Variants in USP14 observed in about 807,000 individuals in gnomAD.
USP14 encodes ubiquitin carboxyl-terminal hydrolase 14.
USP14 carries 38 observed loss-of-function variants against 76.5 expected under a neutral mutation model. That is an observed-to-expected ratio of 0.50 (90% CI 0.38 to 0.65). The LOEUF (loss-of-function observed/expected upper bound fraction) is 0.65. Ranked by LOEUF, USP14 falls within the 30% of genes least tolerant of loss-of-function variation. The pLI, the probability that USP14 is intolerant of heterozygous loss-of-function variation, is 0.00. For synonymous variants in USP14, 192 were observed against 191.7 expected, an observed-to-expected ratio of 1.00 and a Z score of -0.01; for missense variants, 467 against 586.5, an observed-to-expected ratio of 0.80 and a Z score of 2.10.
At chr18:172,828 G>A (rs1168441506) in intron 3 of USP14, among the ~76,000 whole-genome samples, 3 of 152,102 alleles carry the variant, frequency 2.0e-5, no homozygotes, top group Admixed American at 2.0e-4. Flanking sequence ...TATGCACTGG[G>A]GGAAAATTTT....
intron 1 of USP14, chr18:163,068 G>GC: frequency 3.1e-6 from 1 of 320,700 alleles, no homozygotes; most frequent in Non-Finnish European, 5.7e-6. Context: ...GAGCCACCAC[G>GC]CCCAGCCTGC....
intron 13 of USP14, among the ~76,000 whole-genome samples, chr18:206,673 G>A (rs1910536619): frequency 6.6e-6 from 1 of 152,226 alleles, no homozygotes; most frequent in Admixed American, 6.5e-5. Flanking sequence ...GCTGAGACAG[G>A]CAGATCACTT....
chr18:194,687 T>C (rs1007257070), intron 6 of USP14, among the ~76,000 whole-genome samples: 2 of 152,184 alleles, frequency 1.3e-5, no homozygotes, highest in Admixed American at 1.3e-4. Context: ...TCCCAGCATT[T>C]TGGGAGGCTG....
At chr18:199,168 C>A in intron 9 of USP14, 34 bp from the exon 10 acceptor site, 1 of 1,348,350 alleles carries the variant, frequency 7.4e-7, no homozygotes, top group Non-Finnish European at 1.1e-6. Context: ...AAATTGAATA[C>A]CCGTTGGCAT....
At chr18:173,883 GTTTATTTCTGGA>G (rs1708352752) in intron 3 of USP14, among the ~76,000 whole-genome samples, 1 of 152,170 alleles carries the variant, frequency 6.6e-6, no homozygotes, top group African/African-American at 2.4e-5. Context: ...AAACATAAGG[GTTTATTTCTGGA>G]TTCTGTTTTC....
At chr18:202,064 T>TTAA (rs1485146170) in intron 10 of USP14, among the ~76,000 whole-genome samples, 1 of 152,258 alleles carries the variant, frequency 6.6e-6, no homozygotes, top group Non-Finnish European at 1.5e-5. Flanking sequence ...TGTAACATGC[T>TTAA]TAAACATTAC....
At chr18:163,247 A>C in intron 1 of USP14, 61 bp from the exon 2 acceptor site, 1 of 1,481,260 alleles carries the variant, frequency 6.8e-7, no homozygotes, top group East Asian at 2.5e-5. Flanking sequence ...GTGATCTTCT[A>C]AGGGTCTGTA....
chr18:210,074 C>A, intron 14 of USP14, 43 bp downstream of exon 14: 1 of 1,452,318 alleles, frequency 6.9e-7, no homozygotes, highest in South Asian at 1.3e-5. Context: ...GTATGTGGGT[C>A]TTTTTAAGGT....
intron 5 of USP14, among the ~76,000 whole-genome samples, chr18:181,825 C>G (rs190960094): frequency 6.6e-6 from 1 of 152,118 alleles, no homozygotes; most frequent in African/African-American, 2.4e-5. Flanking sequence ...CAAAGACTTA[C>G]TTCTTTGTTG....
intron 1 of USP14, among the ~76,000 whole-genome samples, chr18:161,224 G>A (rs1290099971): frequency 6.6e-6 from 1 of 152,036 alleles, no homozygotes; most frequent in Non-Finnish European, 1.5e-5. Context: ...CACCATTCCC[G>A]GCCTCTTTAT....
chr18:163,914 A>G (rs1028608403), intron 2 of USP14, among the ~76,000 whole-genome samples: 3 of 151,012 alleles, frequency 2.0e-5, no homozygotes, highest in African/African-American at 7.3e-5. Context: ...ATGTGTTCTC[A>G]TTATTTAGCT....
chr18:199,859 C>G (rs891676029), intron 10 of USP14, among the ~76,000 whole-genome samples: 1 of 152,078 alleles, frequency 6.6e-6, no homozygotes, highest in Non-Finnish European at 1.5e-5. Flanking sequence ...CCTGTATTTC[C>G]CCTAGGAGCA....
intron 12 of USP14, 90 bp from the exon 13 acceptor site, chr18:204,474 A>T: frequency 8.7e-7 from 1 of 1,146,850 alleles, no homozygotes; most frequent in Non-Finnish European, 1.2e-6. Context: ...CTGTATCTGA[A>T]TTATGAAAGC....
intron 3 of USP14, among the ~76,000 whole-genome samples, chr18:170,773 C>T (rs911163379): frequency 9.9e-5 from 15 of 151,764 alleles, no homozygotes; most frequent in Non-Finnish European, 1.6e-4. Flanking sequence ...AACCGAACAC[C>T]GCATGTTGTC....
intron 3 of USP14, among the ~76,000 whole-genome samples, chr18:167,439 C>T (rs1909304392): frequency 6.6e-6 from 1 of 152,048 alleles, no homozygotes; most frequent in African/African-American, 2.4e-5. Flanking sequence ...ATATGATGTA[C>T]TTCCTTATTT....
intron 13 of USP14, among the ~76,000 whole-genome samples, chr18:209,699 C>G (rs2143104546): frequency 6.6e-6 from 1 of 152,290 alleles, no homozygotes; most frequent in African/African-American, 2.4e-5. Flanking sequence ...GCTGTATTCA[C>G]TGGTACGCTT....
At chr18:191,596 C>T (rs964290838) in intron 5 of USP14, among the ~76,000 whole-genome samples, 1 of 152,142 alleles carries the variant, frequency 6.6e-6, no homozygotes, top group Non-Finnish European at 1.5e-5. Flanking sequence ...CTCTCCACCC[C>T]CTTCCAGCAA....
intron 3 of USP14, among the ~76,000 whole-genome samples, chr18:169,393 C>G (rs138890184): frequency 2.4e-3 from 344 of 144,312 alleles, no homozygotes; most frequent in Non-Finnish European, 4.1e-3. Flanking sequence ...GAGTGGACAT[C>G]TTGTCTTATT....
chr18:204,113 A>G (rs1256430368), intron 12 of USP14, among the ~76,000 whole-genome samples: 1 of 152,084 alleles, frequency 6.6e-6, no homozygotes, highest in Non-Finnish European at 1.5e-5. Context: ...TGAAGTATCT[A>G]GTGTTGTATA....
Sources: allele counts gnomAD v4.1 joint callset (sites outside exome capture counted in the v4.1 genomes callset), GRCh38; gene constraint gnomAD v4.1.1; transcripts MANE v1.5; gene names NCBI Gene and HGNC (gene_info 2026-07-23, HGNC 2026-07-21).